MUC17: variants seen among roughly 807,000 people sequenced by gnomAD.
MUC17 encodes mucin 17, cell surface associated, also known as mucin-17.
Under a neutral mutation model 170.3 loss-of-function variants are expected in MUC17, and 190 were observed. The observed-to-expected ratio is 1.12, with a 90% CI of 0.99 to 1.26. MUC17 has a LOEUF of 1.26. MUC17 is among the 50% of genes most tolerant of loss of function. The pLI is 0.00. For synonymous variants in MUC17, 2,325 were observed against 2,002.5 expected (o/e 1.16, Z -4.30); for missense variants, 6,415 against 5,530.0 (o/e 1.16, Z -5.08).
Position 101,037,726 on chromosome 7 carries a change from C to G in MUC17, c.6310C>G (p.Leu2104Val). ...ISAPSEGSPLLTSIPLSTTPV... is the reference protein window; with the variant it reads ...ISAPSEGSPLVTSIPLSTTPV... ...AGCTCCTAGTGAAGGAAGTCCTCTACTAACAAGTATACCTCTCAGCACCAC... is the reference window on the plus strand; with the variant it reads ...AGCTCCTAGTGAAGGAAGTCCTCTAGTAACAAGTATACCTCTCAGCACCAC... The change falls in exon 3 of 13, where the codon CTA becomes GTA. Residue 2104 changes from leucine (L) to valine (V), a missense_variant. Physicochemically the swap from Leu to Val is conservative, Grantham distance 32. Coordinates refer to ENST00000306151, the MANE Select transcript of MUC17 (RefSeq NM_001040105.2). 1 of 1,612,170 alleles carries G rather than the reference C, an allele frequency of 6.2e-7. No individual in the cohort carries two copies. Among genetic ancestry groups the G allele is most frequent in the East Asian group, 2.2e-5 (1 of 44,738 alleles).
chr7:101,043,050 T>C lies in MUC17; in HGVS notation c.11634T>C (p.Thr3878=), dbSNP rs1221449241. ...GTGAAAGAAGCACTCCATTAACAAC[T>C]CTCCTTGTCAGCACCACACTTCCAA... is the stretch of plus-strand genomic sequence containing the variant. ...ITSERSTPLT[T]LLVSTTLPTS... Residue 3878 remains threonine (T), a synonymous_variant, in exon 3 of 13, where the codon ACT becomes ACC. Coordinates refer to ENST00000306151, the MANE Select transcript of MUC17 (RefSeq NM_001040105.2). 6.2e-7 allele frequency: 1 copy of C among 1,614,058 alleles called. No homozygotes were observed. Among genetic ancestry groups the C allele is most frequent in the East Asian group, 2.2e-5 (1 of 44,884 alleles).
chr7:101,053,334 A>T lies in MUC17; in HGVS notation c.13266-5A>T, dbSNP rs1293403689. The T allele has an allele frequency of 6.2e-7, 1 of 1,613,586 alleles. No individual in the cohort carries two copies. Among genetic ancestry groups the T allele is most frequent in the Admixed American group, 1.7e-5 (1 of 60,022 alleles). The stretch of plus-strand genomic sequence containing the variant: ...ATGGGGTCTCTCTGATGTTTCCATC[A>T]CTAGGCAAAAGTACAGATTGTCTCA... On this transcript the variant is annotated splice_region_variant and splice_polypyrimidine_tract_variant and intron_variant, in intron 10 of 12. Coordinates refer to ENST00000306151, the MANE Select transcript of MUC17 (RefSeq NM_001040105.2).
In MUC17 at chr7:101,039,167, A is replaced by G; in HGVS notation, c.7751A>G (p.Lys2584Arg). The G allele has an allele frequency of 6.2e-7, 1 of 1,607,664 alleles. No homozygotes were observed. Among genetic ancestry groups the G allele is most frequent in the Non-Finnish European group, 8.5e-7 (1 of 1,177,990 alleles). ...TPLRSMPVST[K>R]PLASSEASTL... ...TTAAGAAGTATGCCTGTCAGCACCA[A>G]GCCGTTGGCCAGTTCTGAGGCTAGC... Residue 2584 changes from lysine to arginine, a missense_variant, in exon 3 of 13, where the codon AAG becomes AGG. By Grantham distance (26) the Lys-to-Arg change is conservative. Transcript: ENST00000306151.
Position 101,033,082 on chromosome 7 carries a change from G to GA in MUC17, c.1668dup (p.Gly557ArgfsTer10). On this transcript the variant is annotated frameshift_variant, in exon 3 of 13. Coordinates refer to ENST00000306151, the MANE Select transcript of MUC17 (RefSeq NM_001040105.2). LOFTEE classifies it high-confidence loss of function. ...AGCCAGTTCATCTTCTACAACTCCT[G>GA]AAGGTACCAGCATACCAACCTCAAC... 4 of 1,613,044 alleles carry GA rather than the reference G, an allele frequency of 2.5e-6. No individual in the cohort carries two copies. Among genetic ancestry groups the GA allele is most frequent in the Non-Finnish European group, 3.4e-6 (4 of 1,179,730 alleles).
rs745689675 is a variant in MUC17 at position 101,035,125 on chromosome 7, AG to A, written c.3710del (p.Ser1237ThrfsTer14). The A allele has an allele frequency of 2.0e-5, 33 of 1,611,000 alleles. 1 individual carries two copies. The highest frequency in any genetic ancestry group is 3.3e-4 in the Middle Eastern group (2 of 6,038). ...RHTPVASSEA[S>X]TLSTSPVDTS... ...CACGCCAGTGGCCAGTTCTGAGGCT[AG>A]CACCCTTTCAACATCTCCCGTTGAC... is the stretch of plus-strand genomic sequence containing the variant. On this transcript the variant is annotated frameshift_variant, in exon 3 of 13. Transcript: ENST00000306151. LOFTEE classifies it high-confidence loss of function.
Position 101,020,081 on chromosome 7 carries a change from C to G in MUC17, c.-55C>G. 1 of 1,499,844 alleles carries G rather than the reference C, an allele frequency of 6.7e-7. No homozygotes were observed. The highest frequency in any genetic ancestry group is 1.3e-5 in the South Asian group (1 of 77,406). 92.9% of individuals were successfully genotyped at this position (1,499,844 alleles called of 1,614,324 possible). A position where few individuals can be genotyped will look rare whatever the true frequency, so the allele number is the denominator to read the frequency against. ...TTTATCAGTTTCCTTCTCTGAGGCT[C>G]ATTTCGCCAGCTCCTCTGGGGGTGA... On this transcript the variant is annotated 5_prime_UTR_variant, in exon 1 of 13. Coordinates refer to ENST00000306151, the MANE Select transcript of MUC17 (RefSeq NM_001040105.2).
intron 3 of MUC17, 99 bp downstream of exon 3, chr7:101,043,918 G>A: frequency 8.6e-7 from 1 of 1,160,534 alleles, no homozygotes; most frequent in Non-Finnish European, 1.2e-6. Context: ...GTATACGTGT[G>A]CCATGTTGGT....
At chr7:101,048,508 A>C (rs1225612527) in intron 4 of MUC17, among the ~76,000 whole-genome samples, 3 of 151,260 alleles carry the variant, frequency 2.0e-5, no homozygotes, top group Non-Finnish European at 2.9e-5. Context: ...ATGTGGGAGG[A>C]TTGCTTGAGC....
chr7:101,029,661 C>T (rs1246093687), intron 1 of MUC17, among the ~76,000 whole-genome samples: 5 of 151,754 alleles, frequency 3.3e-5, no homozygotes, highest in South Asian at 2.1e-4. Flanking sequence ...TGCAGTGGCA[C>T]GATCTCAGCT....
Position 101,049,759 on chromosome 7 carries a change from A to G in MUC17, c.12722+377A>G, listed in dbSNP as rs190478982. 1.6e-4 allele frequency among the ~76,000 whole-genome samples: 25 copies of G among 152,212 alleles called. 1 individual carries two copies. The highest frequency in any genetic ancestry group is 1.0e-3 in the Admixed American group (16 of 15,298). The stretch of plus-strand genomic sequence containing the variant: ...GGCCTACACTAATGACCTCATTTTA[A>G]TTTACTCACCTCTTTAAAGACCCTA... On this transcript the variant is annotated intron_variant, in intron 6 of 12. Transcript: ENST00000306151.
At position 101,037,312 on chromosome 7, in the gene MUC17, T is replaced by C. The variant is rs200417391; in HGVS notation, c.5896T>C (p.Ser1966Pro). 8 of 1,612,628 alleles carry C rather than the reference T, an allele frequency of 5.0e-6. No homozygotes were observed. Among genetic ancestry groups the C allele is most frequent in the African/African-American group, 1.3e-5 (1 of 74,476 alleles). The change falls in exon 3 of 13, where the codon TCT becomes CCT. Residue 1966 changes from serine (S) to proline (P), a missense_variant. Coordinates refer to ENST00000306151, the MANE Select transcript of MUC17 (RefSeq NM_001040105.2). ...PVTTYSQASS[S>P]PTTADGTSMP... is the part of the protein sequence containing the mutation. ...GACCACTTATTCTCAAGCCAGTTCA[T>C]CTCCTACAACTGCTGATGGTACCAG... is the stretch of plus-strand genomic sequence containing the variant.
chr7:101,042,651 G>T lies in MUC17; in HGVS notation c.11235G>T (p.Val3745=), dbSNP rs1794751139. 6.2e-7 allele frequency: 1 copy of T among 1,613,818 alleles called. No individual in the cohort carries two copies. Among genetic ancestry groups the T allele is most frequent in the Non-Finnish European group, 8.5e-7 (1 of 1,180,022 alleles). ...SATLDSTTMS[V]SMPMEISTLG... ...CTCTTGACAGCACCACCATGTCTGT[G>T]TCAATGCCCATGGAAATAAGCACCC... Residue 3745 remains valine, a synonymous_variant, in exon 3 of 13, where the codon GTG becomes GTT. Coordinates refer to ENST00000306151, the MANE Select transcript of MUC17 (RefSeq NM_001040105.2).
chr7:101,043,076 C>T lies in MUC17; in HGVS notation c.11660C>T (p.Thr3887Ile). The T allele has an allele frequency of 6.2e-7, 1 of 1,614,206 alleles. No individual in the cohort carries two copies. ...CTCCTTGTCAGCACCACACTTCCAA[C>T]TAGCTTTCCTGGGGCCAGCATAGCT... Reference protein sequence around the residue: ...TTLLVSTTLPTSFPGASIAST... With the variant: ...TTLLVSTTLPISFPGASIAST... The change falls in exon 3 of 13, where the codon ACT becomes ATT. Residue 3887 changes from threonine to isoleucine, a missense_variant. Transcript: ENST00000306151.
Position 101,037,571 on chromosome 7 carries a change from G to A in MUC17, c.6155G>A (p.Ser2052Asn), listed in dbSNP as rs146120661. 9.9e-6 allele frequency: 16 copies of A among 1,613,756 alleles called. 1 individual carries two copies. In the African/African-American group the frequency reaches 2.1e-4, roughly 22 times the overall value. Residue 2052 changes from serine to asparagine, a missense_variant, in exon 3 of 13, where the codon AGC becomes AAC. By Grantham distance (46) the Ser-to-Asn change is conservative (BLOSUM62 1). Coordinates refer to ENST00000306151, the MANE Select transcript of MUC17 (RefSeq NM_001040105.2). ...RTTPLAGMPV[S>N]TTLVVSSEGN... ...ACTCCATTAGCAGGTATGCCTGTCA[G>A]CACTACGCTTGTGGTCAGTTCTGAG...
rs1390929832 is a variant in MUC17, at chr7:101,048,133, C to T, written c.12535+18C>T. 1.9e-6 allele frequency: 3 copies of T among 1,549,710 alleles called. No individual in the cohort carries two copies. The highest frequency in any genetic ancestry group is 2.6e-6 in the Non-Finnish European group (3 of 1,148,082). On this transcript the variant is annotated intron_variant, in intron 4 of 12. Coordinates refer to ENST00000306151, the MANE Select transcript of MUC17 (RefSeq NM_001040105.2). ...TGACATAGGTGAGTGCAACCCCAGG[C>T]CTTCCCCCACCCCATGCCCTGGGAC...
At position 101,037,324 on chromosome 7, in the gene MUC17, G is replaced by C. The variant is rs374119260; in HGVS notation, c.5908G>C (p.Ala1970Pro). ...TCAAGCCAGTTCATCTCCTACAACTGCTGATGGTACCAGCATGCCAACCCC... is the reference window on the plus strand; with the variant it reads ...TCAAGCCAGTTCATCTCCTACAACTCCTGATGGTACCAGCATGCCAACCCC... ...YSQASSSPTT[A>P]DGTSMPTPAY... The change falls in exon 3 of 13, where the codon GCT becomes CCT. Residue 1970 changes from alanine to proline, a missense_variant. Physicochemically the swap from Ala to Pro is conservative, Grantham distance 27. Transcript: ENST00000306151. 1 of 1,613,914 alleles carries C rather than the reference G, an allele frequency of 6.2e-7. No individual in the cohort carries two copies. The highest frequency in any genetic ancestry group is 8.5e-7 in the Non-Finnish European group (1 of 1,179,976).
chr7:101,036,205 C>A lies in MUC17; in HGVS notation c.4789C>A (p.Pro1597Thr). The A allele has an allele frequency of 6.2e-7, 1 of 1,614,036 alleles. No homozygotes were observed. Among genetic ancestry groups the A allele is most frequent in the Non-Finnish European group, 8.5e-7 (1 of 1,180,004 alleles). Reference sequence around the variant, plus strand: ...TGAGGCTAACACCCTTTCAACAACCCCTATTGACTCCAAAACTCAGGTGAC... The same window carrying A: ...TGAGGCTAACACCCTTTCAACAACCACTATTGACTCCAAAACTCAGGTGAC... ...SSEANTLSTT[P>T]IDSKTQVTAS... Residue 1597 changes from proline (P) to threonine (T), a missense_variant, in exon 3 of 13, where the codon CCT (proline) becomes ACT (threonine). Physicochemically the swap from Pro to Thr is conservative, Grantham distance 38 (BLOSUM62 -1). Transcript: ENST00000306151.
intron 3 of MUC17, 130 bp downstream of exon 3, chr7:101,043,949 T>A: frequency 1.3e-5 from 11 of 837,518 alleles, no homozygotes; most frequent in Admixed American, 5.7e-5. Context: ...CATTAACTCA[T>A]CATTTACATT....
In MUC17 at chr7:101,042,552, C is replaced by T; in HGVS notation, c.11136C>T (p.Ser3712=). 6.2e-7 allele frequency: 1 copy of T among 1,614,158 alleles called. No homozygotes were observed. Among genetic ancestry groups the T allele is most frequent in the East Asian group, 2.2e-5 (1 of 44,882 alleles). The change falls in exon 3 of 13, where the codon AGC becomes AGT. Residue 3712 remains serine (S), a synonymous_variant. Transcript: ENST00000306151. Reference sequence around the variant, plus strand: ...CACGTGTGACCAGCTCTGAGGGTAGCACCCTTTCAACACCTTCTGTTGTCA... The same window carrying T: ...CACGTGTGACCAGCTCTGAGGGTAGTACCCTTTCAACACCTTCTGTTGTCA... The part of the protein sequence containing the change: ...STTRVTSSEG[S]TLSTPSVVTS...
Sources: allele counts gnomAD v4.1 joint callset (sites outside exome capture counted in the v4.1 genomes callset), GRCh38; gene constraint gnomAD v4.1.1; transcripts MANE v1.5; gene names NCBI Gene and HGNC (gene_info 2026-07-23, HGNC 2026-07-21).